CDIN1: variants seen among roughly 807,000 people sequenced by gnomAD.
The protein encoded by CDIN1 is CDAN1 interacting nuclease 1, also known as CDAN1-interacting nuclease 1.
Under a neutral mutation model 45.3 loss-of-function variants are expected in CDIN1, and 33 were observed. That is an observed-to-expected ratio of 0.73 (90% CI 0.55 to 0.97). The LOEUF is 0.97. CDIN1 is among the 50% of genes least tolerant of loss of function. CDIN1 has a pLI of 0.00. For synonymous variants in CDIN1, 118 were observed against 124.4 expected (o/e 0.95, Z 0.34); for missense variants, 303 against 339.4 (o/e 0.89, Z 0.84).
chr15:36,791,235 A>G (rs2054638069), intron 10 of CDIN1, among the ~76,000 whole-genome samples: 1 of 152,200 alleles, frequency 6.6e-6, no homozygotes, highest in Admixed American at 6.5e-5. Flanking sequence ...CTATGCAAAG[A>G]TACTCTGCCT....
chr15:36,729,575 A>C (rs1018615347), intron 10 of CDIN1, among the ~76,000 whole-genome samples: 1 of 152,300 alleles, frequency 6.6e-6, no homozygotes. Flanking sequence ...ACTCATAGGC[A>C]ACCCAGGATT....
chr15:36,739,611 A>G (rs940533176), intron 10 of CDIN1, among the ~76,000 whole-genome samples: 2 of 152,242 alleles, frequency 1.3e-5, no homozygotes, highest in Non-Finnish European at 2.9e-5. Flanking sequence ...TTATAAAGCC[A>G]TTTATAGGAA....
At chr15:36,734,884 T>C (rs2043960025) in intron 10 of CDIN1, among the ~76,000 whole-genome samples, 1 of 152,212 alleles carries the variant, frequency 6.6e-6, no homozygotes, top group Admixed American at 6.5e-5. Flanking sequence ...TTAAAGGCCT[T>C]ATTAAAATCT....
intron 5 of CDIN1, among the ~76,000 whole-genome samples, chr15:36,667,955 A>G (rs1387667174): frequency 6.6e-6 from 1 of 152,150 alleles, no homozygotes; most frequent in Non-Finnish European, 1.5e-5. Context: ...CTTGGATTAT[A>G]GTTGATCTGT....
At chr15:36,786,061 A>G (rs556276746) in intron 10 of CDIN1, among the ~76,000 whole-genome samples, 19 of 152,354 alleles carry the variant, frequency 1.2e-4, no homozygotes, top group Admixed American at 1.1e-3. Context: ...AGTGGTTTCC[A>G]GAGTTCAATA....
At chr15:36,771,792 G>C (rs531916604) in intron 10 of CDIN1, among the ~76,000 whole-genome samples, 2 of 152,218 alleles carry the variant, frequency 1.3e-5, no homozygotes, top group South Asian at 4.2e-4. Flanking sequence ...AGCTGGGCAC[G>C]GTGGTGGGTG....
chr15:36,738,789 CCT>C (rs771661268), intron 10 of CDIN1, among the ~76,000 whole-genome samples: 1 of 152,070 alleles, frequency 6.6e-6, no homozygotes, highest in Non-Finnish European at 1.5e-5. Context: ...CTATAATATC[CCT>C]CTGTTTTGTT....
chr15:36,630,101 C>T (rs2039617811), intron 1 of CDIN1, among the ~76,000 whole-genome samples: 1 of 152,124 alleles, frequency 6.6e-6, no homozygotes, highest in African/African-American at 2.4e-5. Flanking sequence ...TGGTACCTTA[C>T]AATCAGTGGT....
chr15:36,650,114 G>C (rs370415318), intron 3 of CDIN1, among the ~76,000 whole-genome samples: 14 of 152,322 alleles, frequency 9.2e-5, no homozygotes, highest in African/African-American at 2.9e-4. Flanking sequence ...TCCTCCGCCA[G>C]TGTGCTGGGA....
intron 5 of CDIN1, chr15:36,691,014 T>A (rs1411125426): frequency 2.6e-6 from 1 of 383,398 alleles, no homozygotes; most frequent in Non-Finnish European, 5.0e-6. Flanking sequence ...TCAACTTAAT[T>A]TGCAAGTTGA....
intron 10 of CDIN1, among the ~76,000 whole-genome samples, chr15:36,715,124 G>A (rs979237020): frequency 5.3e-5 from 8 of 152,120 alleles, no homozygotes; most frequent in Non-Finnish European, 8.8e-5. Flanking sequence ...GATAGGAGGC[G>A]AGATGAGCAC....
intron 10 of CDIN1, among the ~76,000 whole-genome samples, chr15:36,786,326 C>CAAT (rs1327456269): frequency 5.9e-5 from 9 of 152,176 alleles, no homozygotes; most frequent in Non-Finnish European, 1.0e-4. Flanking sequence ...CCTTCTAACT[C>CAAT]TATTAAGAAT....
intron 5 of CDIN1, among the ~76,000 whole-genome samples, chr15:36,670,907 A>G (rs1416327216): frequency 2.0e-5 from 3 of 152,126 alleles, no homozygotes; most frequent in Non-Finnish European, 4.4e-5. Context: ...ACATGAGGAA[A>G]AAAAAACACT....
chr15:36,754,715 A>G (rs1312238618), intron 10 of CDIN1, among the ~76,000 whole-genome samples: 1 of 152,088 alleles, frequency 6.6e-6, no homozygotes, highest in Non-Finnish European at 1.5e-5. Flanking sequence ...AAGAAAAACA[A>G]TTATATAATT....
chr15:36,666,490 A>C (rs959721411), intron 5 of CDIN1, among the ~76,000 whole-genome samples: 1 of 152,156 alleles, frequency 6.6e-6, no homozygotes, highest in Non-Finnish European at 1.5e-5. Context: ...AGAGACTGCA[A>C]GATTGTCAGA....
At chr15:36,758,565 C>T (rs917418640) in intron 10 of CDIN1, among the ~76,000 whole-genome samples, 3 of 152,070 alleles carry the variant, frequency 2.0e-5, no homozygotes, top group Non-Finnish European at 2.9e-5. Flanking sequence ...TATGCACCTG[C>T]GACAGTCTTT....
intron 10 of CDIN1, among the ~76,000 whole-genome samples, chr15:36,795,126 C>T (rs751482872): frequency 6.6e-6 from 1 of 151,936 alleles, no homozygotes; most frequent in Admixed American, 6.6e-5. Context: ...TATCCAAGGC[C>T]GGGAAGAGTG....
Position 36,634,006 on chromosome 15 carries a change from C to T in CDIN1, c.102-10272C>T, listed in dbSNP as rs143848714. On this transcript the variant is annotated intron_variant, in intron 1 of 10. Transcript: ENST00000566621. ...GCCTCAAGTGATCTGCTCGCCTCGG[C>T]CTCCCAAAGTGCTGGGATTACAGGT... Among the ~76,000 whole-genome samples, 124 of 152,020 alleles carry T rather than the reference C, an allele frequency of 8.2e-4. 1 individual carries two copies. Among genetic ancestry groups the T allele is most frequent in the African/African-American group, 2.8e-3 (117 of 41,484 alleles).
intron 8 of CDIN1, among the ~76,000 whole-genome samples, chr15:36,703,332 TAG>T (rs2042724615): frequency 1.5e-5 from 2 of 134,468 alleles, no homozygotes; most frequent in Non-Finnish European, 3.1e-5. Flanking sequence ...ATATATCAGA[TAG>T]ATCTATCAGA....
Sources: gnomAD v4.1 joint callset for allele counts (sites outside exome capture counted in the v4.1 genomes callset) on GRCh38, gnomAD v4.1.1 for gene constraint, MANE v1.5 for transcripts, NCBI Gene and HGNC (gene_info 2026-07-23, HGNC 2026-07-21) for gene names.